Variants in POC1A observed in about 807,000 individuals in gnomAD.
POC1A encodes the protein POC1 centriolar protein A, also known as POC1 centriolar protein homolog A.
A neutral mutation model predicts 47.8 loss-of-function variants in POC1A; 34 were observed. The ratio of observed to expected loss-of-function variants is 0.71; its 90% CI spans 0.54 to 0.95. The LOEUF is 0.95. Ranked by LOEUF, POC1A falls within the 40% of genes least tolerant of loss-of-function variation. POC1A has a pLI of 0.00. For missense variants in POC1A, 466 were observed against 528.3 expected, an observed-to-expected ratio of 0.88 and a Z score of 1.16; for synonymous variants, 177 against 207.6, an observed-to-expected ratio of 0.85 and a Z score of 1.27.
chr3:52,149,377 G>A lies in POC1A; in HGVS notation c.288C>T (p.Ser96=). 2 of 1,613,984 alleles carry A rather than the reference G, an allele frequency of 1.2e-6. No homozygotes were observed. Among genetic ancestry groups the A allele is most frequent in the Non-Finnish European group, 1.7e-6 (2 of 1,179,934 alleles). Residue 96 remains serine, a synonymous_variant, in exon 4 of 11, where the codon TCC becomes TCT. Transcript: ENST00000296484. ...RIWVPNVKGE[S]TVFRAHTATV... is the part of the protein sequence containing the mutation. The stretch of plus-strand genomic sequence containing the variant: ...TGGCTGTGTGTGCACGAAACACAGT[G>A]GACTCACCTTTGCTACAAGGACAGG...
At chr3:52,154,058 G>A (rs970095021) in intron 1 of POC1A, among the ~76,000 whole-genome samples, 26 of 152,244 alleles carry the variant, frequency 1.7e-4, no homozygotes, top group African/African-American at 5.5e-4. Context: ...GCCCGATACC[G>A]GCCCCAGGTC....
intron 9 of POC1A, among the ~76,000 whole-genome samples, chr3:52,100,586 GAA>G (rs1702964399): frequency 6.6e-6 from 1 of 152,186 alleles, no homozygotes; most frequent in Admixed American, 6.5e-5. Context: ...AGCATGAGGA[GAA>G]GAGACGCCAA....
intron 10 of POC1A, among the ~76,000 whole-genome samples, chr3:52,078,051 G>T (rs1337552256): frequency 6.6e-6 from 1 of 152,148 alleles, no homozygotes; most frequent in African/African-American, 2.4e-5. Flanking sequence ...TCCTCTGAGA[G>T]CTTTGAGGAT....
intron 9 of POC1A, among the ~76,000 whole-genome samples, chr3:52,102,430 A>AT (rs2107000083): frequency 6.6e-6 from 1 of 152,286 alleles, no homozygotes; most frequent in African/African-American, 2.4e-5. Context: ...TTATGGCTAC[A>AT]TAACTCCAAT....
intron 10 of POC1A, among the ~76,000 whole-genome samples, chr3:52,091,231 G>C (rs537696836): frequency 6.6e-6 from 1 of 152,056 alleles, no homozygotes; most frequent in Non-Finnish European, 1.5e-5. Flanking sequence ...AGGGAGAGGC[G>C]TGCGATCTCT....
intron 8 of POC1A, among the ~76,000 whole-genome samples, chr3:52,124,315 C>G (rs980138450): frequency 6.6e-6 from 1 of 152,216 alleles, no homozygotes; most frequent in Non-Finnish European, 1.5e-5. Flanking sequence ...CCTGGCCTCC[C>G]CAGTGCCAGG....
chr3:52,107,425 C>A (rs1318884851), intron 9 of POC1A, among the ~76,000 whole-genome samples: 1 of 152,234 alleles, frequency 6.6e-6, no homozygotes, highest in African/African-American at 2.4e-5. Flanking sequence ...CTGGAGCATC[C>A]TCAGAAACCA....
chr3:52,130,170 A>G (rs1253551479), intron 7 of POC1A, among the ~76,000 whole-genome samples: 2 of 152,200 alleles, frequency 1.3e-5, no homozygotes, highest in Admixed American at 6.5e-5. Context: ...GTTGACTCTC[A>G]TATGCACAGT....
At chr3:52,095,161 C>G (rs147426954) in intron 10 of POC1A, among the ~76,000 whole-genome samples, 4 of 152,170 alleles carry the variant, frequency 2.6e-5, no homozygotes, top group Non-Finnish European at 5.9e-5. Flanking sequence ...CAGTTGCTGA[C>G]GGGTTTGAAG....
At position 52,145,482 on chromosome 3, in the gene POC1A, C is replaced by G. The variant is rs115192555; in HGVS notation, c.679+364G>C. 7.7e-3 allele frequency among the ~76,000 whole-genome samples: 1,168 copies of G among 152,326 alleles called. 9 individuals carry two copies. Among genetic ancestry groups the G allele is most frequent in the African/African-American group, 0.026 (1,094 of 41,568 alleles). ...ACCTTGGCCCTGGAGGGCAGAGCCT[C>G]CATCACCAGGAAAGGCAAGTGGCAT... On this transcript the variant is annotated intron_variant, in intron 6 of 10. Coordinates refer to ENST00000296484, the MANE Select transcript of POC1A (RefSeq NM_015426.5).
chr3:52,092,491 A>G (rs1349226243), intron 10 of POC1A, among the ~76,000 whole-genome samples: 1 of 152,202 alleles, frequency 6.6e-6, no homozygotes, highest in Non-Finnish European at 1.5e-5. Context: ...AGCCATTATT[A>G]ACACATTATC....
chr3:52,099,854 A>C (rs1702937078), intron 9 of POC1A, among the ~76,000 whole-genome samples: 1 of 152,230 alleles, frequency 6.6e-6, no homozygotes, highest in Non-Finnish European at 1.5e-5. Flanking sequence ...CCGTCTCAAA[A>C]GAAAAAGTAA....
chr3:52,124,208 C>T (rs538696901), intron 8 of POC1A, among the ~76,000 whole-genome samples: 3 of 152,312 alleles, frequency 2.0e-5, no homozygotes, highest in East Asian at 3.9e-4. Context: ...GAACAGCCAC[C>T]CTTTCCTCCT....
At chr3:52,101,902 AG>A (rs1373195506) in intron 9 of POC1A, among the ~76,000 whole-genome samples, 8 of 152,236 alleles carry the variant, frequency 5.3e-5, no homozygotes, top group African/African-American at 1.9e-4. Flanking sequence ...ATTTTTGCTA[AG>A]TACAGAACTT....
At chr3:52,145,203 C>A (rs1698323604) in intron 6 of POC1A, among the ~76,000 whole-genome samples, 1 of 152,192 alleles carries the variant, frequency 6.6e-6, no homozygotes, top group South Asian at 2.1e-4. Flanking sequence ...GTACTCTCAG[C>A]GAACTCATCC....
chr3:52,085,364 C>A (rs1702425492), intron 10 of POC1A, among the ~76,000 whole-genome samples: 1 of 152,204 alleles, frequency 6.6e-6, no homozygotes, highest in South Asian at 2.1e-4. Context: ...ACTCCCCTTG[C>A]CCTACTCCTG....
intron 10 of POC1A, among the ~76,000 whole-genome samples, chr3:52,077,931 C>T (rs1462687082): frequency 6.6e-6 from 1 of 152,114 alleles, no homozygotes; most frequent in East Asian, 1.9e-4. Context: ...GCCCATACTT[C>T]AGCTCAGTAG....
intron 6 of POC1A, among the ~76,000 whole-genome samples, chr3:52,139,383 C>T (rs1389734246): frequency 6.6e-6 from 1 of 152,172 alleles, no homozygotes; most frequent in African/African-American, 2.4e-5. Context: ...TCAGGCTAAC[C>T]CCACCATCTT....
At chr3:52,118,656 G>A (rs1006618061) in intron 9 of POC1A, among the ~76,000 whole-genome samples, 2 of 152,214 alleles carry the variant, frequency 1.3e-5, no homozygotes, top group Non-Finnish European at 2.9e-5. Flanking sequence ...TGCCCCTCTG[G>A]CTTTCGACTG....
Sources: allele counts gnomAD v4.1 joint callset (sites outside exome capture counted in the v4.1 genomes callset), GRCh38; gene constraint gnomAD v4.1.1; transcripts MANE v1.5; gene names NCBI Gene and HGNC (gene_info 2026-07-23, HGNC 2026-07-21).